The following NXPH2 variants were observed in gnomAD, a reference collection of about 807,000 sequenced individuals.
NXPH2 encodes neurexophilin 2, also known as neurexophilin-2.
A neutral mutation model predicts 19.8 loss-of-function variants in NXPH2; 5 were observed. The observed-to-expected ratio is 0.25, with a 90% CI of 0.13 to 0.53. The LOEUF (loss-of-function observed/expected upper bound fraction) is 0.53, where lower values mean the gene tolerates loss of function less well. NXPH2 is among the 20% of genes least tolerant of loss of function. NXPH2 has a pLI of 0.96. For missense variants in NXPH2, 289 were observed against 322.8 expected, an observed-to-expected ratio of 0.90 and a Z score of 0.80; for synonymous variants, 154 against 127.4, an observed-to-expected ratio of 1.21 and a Z score of -1.41.
chr2:138,676,031 G>A (rs1311942343), intron 1 of NXPH2, among the ~76,000 whole-genome samples: 2 of 151,370 alleles, frequency 1.3e-5, no homozygotes. Context: ...GCTTTCCTTA[G>A]CACATCATAT....
intron 1 of NXPH2, among the ~76,000 whole-genome samples, chr2:138,705,689 C>T (rs925042571): frequency 6.6e-6 from 1 of 152,220 alleles, no homozygotes; most frequent in South Asian, 2.1e-4. Flanking sequence ...TTTAAATTCT[C>T]TGTTAAAATT....
chr2:138,690,312 C>T (rs1362329395), intron 1 of NXPH2, among the ~76,000 whole-genome samples: 5 of 152,182 alleles, frequency 3.3e-5, no homozygotes, highest in Non-Finnish European at 7.3e-5. Context: ...CATGACCTCT[C>T]TCCTGGGTAC....
intron 1 of NXPH2, among the ~76,000 whole-genome samples, chr2:138,714,359 G>A (rs1558920111): frequency 6.6e-6 from 1 of 152,044 alleles, no homozygotes. Context: ...TTAAGCTCCT[G>A]TCCTATATCC....
At chr2:138,745,496 G>A (rs904624968) in intron 1 of NXPH2, among the ~76,000 whole-genome samples, 11 of 37,548 alleles carry the variant, frequency 2.9e-4, no homozygotes, top group Admixed American at 6.3e-4. Context: ...TTTTTGGCGG[G>A]GGGGGGGGGG....
At chr2:138,697,009 A>G (rs1018917545) in intron 1 of NXPH2, among the ~76,000 whole-genome samples, 2 of 152,134 alleles carry the variant, frequency 1.3e-5, no homozygotes, top group African/African-American at 4.8e-5. Context: ...ATTAAATAGT[A>G]CTCAGAATAA....
chr2:138,748,437 T>C (rs1445843206), intron 1 of NXPH2, among the ~76,000 whole-genome samples: 2 of 152,170 alleles, frequency 1.3e-5, no homozygotes, highest in Non-Finnish European at 2.9e-5. Flanking sequence ...GTTTCTCCAA[T>C]ATGGTCCAAT....
chr2:138,723,965 G>A (rs904038151), intron 1 of NXPH2, among the ~76,000 whole-genome samples: 5 of 146,264 alleles, frequency 3.4e-5, no homozygotes, highest in African/African-American at 1.3e-4. Flanking sequence ...TAAGTTCAGA[G>A]GTACATGTGC....
At chr2:138,745,930 T>C (rs1446102901) in intron 1 of NXPH2, among the ~76,000 whole-genome samples, 2 of 152,154 alleles carry the variant, frequency 1.3e-5, no homozygotes, top group East Asian at 1.9e-4. Context: ...CATAACTCCA[T>C]TGGGTGATAA....
intron 1 of NXPH2, among the ~76,000 whole-genome samples, chr2:138,724,802 A>G (rs1681334366): frequency 6.6e-6 from 1 of 152,246 alleles, no homozygotes; most frequent in Admixed American, 6.5e-5. Flanking sequence ...TTAGTTAATT[A>G]AACAAACAGC....
At chr2:138,740,619 A>G (rs1681627857) in intron 1 of NXPH2, among the ~76,000 whole-genome samples, 1 of 152,188 alleles carries the variant, frequency 6.6e-6, no homozygotes, top group African/African-American at 2.4e-5. Context: ...TATGAAGGCA[A>G]TTCTGAGGAT....
At chr2:138,773,019 G>C (rs1682202872) in intron 1 of NXPH2, among the ~76,000 whole-genome samples, 1 of 152,180 alleles carries the variant, frequency 6.6e-6, no homozygotes, top group Non-Finnish European at 1.5e-5. Flanking sequence ...TTAGCACAAA[G>C]GCTCCAAACA....
chr2:138,670,805 G>T lies in NXPH2; in HGVS notation c.*117C>A. ...TTTTTAAATTTGAAAACCTGATAGG[G>T]AACTATTGTTCACTGCCAGAAACAA... On this transcript the variant is annotated 3_prime_UTR_variant, in exon 2 of 2. Transcript: ENST00000272641. 2 of 1,075,072 alleles carry T rather than the reference G, an allele frequency of 1.9e-6. No individual in the cohort carries two copies. The highest frequency in any genetic ancestry group is 1.8e-5 in the South Asian group (1 of 54,312). 66.6% of individuals were successfully genotyped at this position (1,075,072 alleles called of 1,614,324 possible).
At chr2:138,683,106 AGT>A (rs1240016180) in intron 1 of NXPH2, among the ~76,000 whole-genome samples, 1 of 152,184 alleles carries the variant, frequency 6.6e-6, no homozygotes, top group Non-Finnish European at 1.5e-5. Flanking sequence ...GTGTGTCCTG[AGT>A]TAAAAATGGT....
At chr2:138,742,191 G>A (rs553296621) in intron 1 of NXPH2, among the ~76,000 whole-genome samples, 22 of 152,190 alleles carry the variant, frequency 1.4e-4, no homozygotes, top group Non-Finnish European at 2.5e-4. Flanking sequence ...TGGGGTGTCC[G>A]GCAGCCTCAT....
chr2:138,708,271 A>G (rs111642459), intron 1 of NXPH2, among the ~76,000 whole-genome samples: 22 of 152,318 alleles, frequency 1.4e-4, no homozygotes, highest in African/African-American at 5.3e-4. Flanking sequence ...CCACTTCACA[A>G]CTATCTCCCC....
intron 1 of NXPH2, among the ~76,000 whole-genome samples, chr2:138,706,289 G>A (rs192524381): frequency 5.0e-4 from 76 of 152,310 alleles, no homozygotes; most frequent in Non-Finnish European, 8.8e-4. Context: ...GAATTAAGTT[G>A]GCAGTGTAAG....
At chr2:138,777,440 T>C (rs1682282184) in intron 1 of NXPH2, among the ~76,000 whole-genome samples, 1 of 152,058 alleles carries the variant, frequency 6.6e-6, no homozygotes, top group Admixed American at 6.5e-5. Context: ...GCCAGGAAAA[T>C]GGGCAAGGAC....
intron 1 of NXPH2, among the ~76,000 whole-genome samples, chr2:138,759,025 G>T (rs1192677918): frequency 6.6e-6 from 1 of 152,134 alleles, no homozygotes; most frequent in Non-Finnish European, 1.5e-5. Flanking sequence ...GGGAGTAATA[G>T]ATTGACATTT....
At chr2:138,768,909 A>G (rs945942050) in intron 1 of NXPH2, among the ~76,000 whole-genome samples, 1 of 152,230 alleles carries the variant, frequency 6.6e-6, no homozygotes, top group Non-Finnish European at 1.5e-5. Flanking sequence ...TGCCAGAGGA[A>G]GTACCAGAAT....
Sources: gnomAD v4.1 joint callset for allele counts (sites outside exome capture counted in the v4.1 genomes callset) on GRCh38, gnomAD v4.1.1 for gene constraint, MANE v1.5 for transcripts, NCBI Gene and HGNC (gene_info 2026-07-23, HGNC 2026-07-21) for gene names.